NBN: variants seen among roughly 807,000 people sequenced by gnomAD.
NBN encodes nibrin, also known as Nijmegen breakage syndrome 1 (nibrin).
A neutral mutation model predicts 90.8 loss-of-function variants in NBN; 88 were observed. That is an observed-to-expected ratio of 0.97 (90% CI 0.82 to 1.16). NBN has a LOEUF of 1.16. Ranked by LOEUF, NBN falls within the 50% of genes most tolerant of loss-of-function variation. NBN has a pLI of 0.00. For missense variants in NBN, 894 were observed against 869.6 expected (o/e 1.03, Z -0.35); for synonymous variants, 328 against 295.1 (o/e 1.11, Z -1.14).
chr8:89,964,968 G>C (rs905189542), intron 7 of NBN, among the ~76,000 whole-genome samples: 6 of 152,096 alleles, frequency 3.9e-5, no homozygotes, highest in African/African-American at 1.2e-4. Context: ...ACAAAAATTA[G>C]CTGGGTGTAG....
In NBN at chr8:89,955,326, T is replaced by G. The variant is rs141137543; in HGVS notation, c.1354A>C (p.Thr452Pro). ...SKDRASQQQQ[T>P]NSIRNYFQPS... Reference sequence around the variant, plus strand: ...TGAAAGTAGTTTCTGATGGAGTTGGTCTGCTGCTGCTGAGAAGCCCTATCT... The same window carrying G: ...TGAAAGTAGTTTCTGATGGAGTTGGGCTGCTGCTGCTGAGAAGCCCTATCT... Residue 452 changes from threonine (T) to proline (P), a missense_variant, in exon 10 of 16, where the codon ACC becomes CCC. Thr to Pro is a conservative substitution (Grantham distance 38). Transcript: ENST00000265433. 212 of 1,613,856 alleles carry G rather than the reference T, an allele frequency of 1.3e-4. 1 individual carries two copies. In the African/African-American group the frequency reaches 2.4e-3, roughly 19 times the overall value.
intron 9 of NBN, among the ~76,000 whole-genome samples, chr8:89,958,237 T>A (rs1413858314): frequency 6.6e-6 from 1 of 152,210 alleles, no homozygotes; most frequent in East Asian, 1.9e-4. Flanking sequence ...GCTGATCACC[T>A]ACTGCTGTGT....
intron 5 of NBN, 83 bp downstream of exon 5, chr8:89,978,137 G>A: frequency 8.5e-7 from 1 of 1,176,074 alleles, no homozygotes; most frequent in Non-Finnish European, 1.3e-6. Flanking sequence ...CCTGAAACAA[G>A]CATTAAAGAG....
chr8:89,973,997 T>G (rs1224028220), intron 5 of NBN, among the ~76,000 whole-genome samples: 2 of 152,178 alleles, frequency 1.3e-5, no homozygotes, highest in African/African-American at 4.8e-5. Context: ...GAAATTTTGC[T>G]TTTTCCCATT....
In NBN at chr8:89,964,355, T is replaced by C. The variant is rs1805823; in HGVS notation, c.994+55A>G. 2.3e-5 allele frequency: 37 copies of C among 1,590,536 alleles called. No individual in the cohort carries two copies. In the African/African-American group the frequency reaches 3.6e-4, roughly 16 times the overall value. On this transcript the variant is annotated intron_variant, in intron 8 of 15. Coordinates refer to ENST00000265433, the MANE Select transcript of NBN (RefSeq NM_002485.5). ...GTATATGAGTAACGTATATTTAGCTTATCGATTTACATAATAAAGTTGCTA... is the reference window on the plus strand; with the variant it reads ...GTATATGAGTAACGTATATTTAGCTCATCGATTTACATAATAAAGTTGCTA...
intron 4 of NBN, 121 bp from the exon 5 acceptor site, chr8:89,978,444 C>T (rs746581506): frequency 1.2e-4 from 89 of 763,906 alleles, no homozygotes; most frequent in Non-Finnish European, 1.6e-4. Context: ...TTTTCCCTTT[C>T]ATCTCTCTAA....
At chr8:89,981,181 CCTCAGGGCCCA>C (rs1412439033) in intron 3 of NBN, among the ~76,000 whole-genome samples, 183 bp downstream of exon 3, 1 of 152,028 alleles carries the variant, frequency 6.6e-6, no homozygotes, top group Non-Finnish European at 1.5e-5. Flanking sequence ...CCATGAAGTC[CCTCAGGGCCCA>C]CTCAAACTCT....
At chr8:89,973,692 T>C (rs1401327108) in intron 5 of NBN, among the ~76,000 whole-genome samples, 1 of 152,182 alleles carries the variant, frequency 6.6e-6, no homozygotes, top group Non-Finnish European at 1.5e-5. Flanking sequence ...TCATTACGTC[T>C]GAAGCATTAC....
intron 2 of NBN, chr8:89,981,724 G>A: frequency 1.6e-6 from 1 of 609,630 alleles, no homozygotes; most frequent in Non-Finnish European, 2.8e-6. Context: ...TCTTAACCCA[G>A]GAATACCCCT....
chr8:89,984,392 C>G (rs976652499), intron 1 of NBN, 133 bp downstream of exon 1: 6 of 834,674 alleles, frequency 7.2e-6, no homozygotes, highest in Non-Finnish European at 1.2e-5. Flanking sequence ...ATACAGCGTA[C>G]TCGCCGCTTC....
In NBN at chr8:89,977,054, AT is replaced by A. The variant is rs201902015; in HGVS notation, c.584+1165del. Among the ~76,000 whole-genome samples the A allele has an allele frequency of 4.8e-3, 731 of 151,062 alleles. 6 individuals carry two copies. The highest frequency in any genetic ancestry group is 0.016 in the African/African-American group (647 of 41,222). ...ATTCCTAACTGGCATAACATTTAAAATTTTTTTTTTAATGTTACTTTAAGTT... is the reference window on the plus strand; with the variant it reads ...ATTCCTAACTGGCATAACATTTAAAATTTTTTTTTAATGTTACTTTAAGTT... On this transcript the variant is annotated intron_variant, in intron 5 of 15. Transcript: ENST00000265433.
rs771376603 is a variant in NBN, at chr8:89,984,554, T to C, written c.8A>G (p.Lys3Arg). Residue 3 changes from lysine (K) to arginine (R), a missense_variant, in exon 1 of 16, where the codon AAA (lysine) becomes AGA (arginine). Physicochemically the swap from Lys to Arg is conservative, Grantham distance 26. Transcript: ENST00000265433. The part of the protein sequence containing the change: MW[K>R]LLPAAGPAGG... ...TGCCGGGCCCGCGGCGGGCAGCAGT[T>C]TCCACATCGGTCCGGCTCCTCAGGG... The C allele has an allele frequency of 6.2e-7, 1 of 1,613,184 alleles. No homozygotes were observed. The highest frequency in any genetic ancestry group is 1.1e-5 in the South Asian group (1 of 91,062).
chr8:89,968,570 G>A (rs1178125111), intron 7 of NBN, among the ~76,000 whole-genome samples: 2 of 152,166 alleles, frequency 1.3e-5, no homozygotes, highest in South Asian at 2.1e-4. Context: ...TAAATTCTTA[G>A]ACCAGAACCT....
intron 1 of NBN, among the ~76,000 whole-genome samples, chr8:89,984,018 T>A (rs1812204132): frequency 6.6e-6 from 1 of 152,150 alleles, no homozygotes; most frequent in South Asian, 2.1e-4. Context: ...TGGGAAAAAA[T>A]CGACTTTTCC....
At position 89,958,706 on chromosome 8, in the gene NBN, G is replaced by A. The variant is rs13312903; in HGVS notation, c.1124+19C>T. The A allele has an allele frequency of 1.6e-3, 2,609 of 1,609,674 alleles. 41 individuals carry two copies. In the African/African-American group the frequency reaches 0.032, roughly 20 times the overall value. The stretch of plus-strand genomic sequence containing the variant: ...ATTGATAGAATAATAACAATAGTAC[G>A]GTAATGAAGAAGCTTTACCATGTAT... On this transcript the variant is annotated intron_variant, in intron 9 of 15. Coordinates refer to ENST00000265433, the MANE Select transcript of NBN (RefSeq NM_002485.5).
At chr8:89,968,310 C>T (rs1363276392) in intron 7 of NBN, among the ~76,000 whole-genome samples, 1 of 152,086 alleles carries the variant, frequency 6.6e-6, no homozygotes, top group Non-Finnish European at 1.5e-5. Flanking sequence ...AGTGTCACCT[C>T]ATGATCAAGG....
chr8:89,979,092 C>T (rs978494495), intron 4 of NBN, among the ~76,000 whole-genome samples: 1 of 152,226 alleles, frequency 6.6e-6, no homozygotes, highest in Admixed American at 6.5e-5. Context: ...ATCCTCCTGT[C>T]TCAGCCTCCT....
rs137857529 is a variant in NBN, at chr8:89,980,773, G to A, written c.441C>T (p.Cys147=). Residue 147 remains cysteine, a synonymous_variant, in exon 4 of 16, where the codon TGC becomes TGT. Coordinates refer to ENST00000265433, the MANE Select transcript of NBN (RefSeq NM_002485.5). The part of the protein sequence containing the change: ...GFTVNNWTEE[C]THLVMVSVKV... ...TCACTGATACCATGACAAGGTGAGTGCATTCTTCTGTCCAATTGTTTACAG... is the reference window on the plus strand; with the variant it reads ...TCACTGATACCATGACAAGGTGAGTACATTCTTCTGTCCAATTGTTTACAG... The A allele has an allele frequency of 1.0e-4, 164 of 1,613,400 alleles. No individual in the cohort carries two copies. In the African/African-American group the frequency reaches 1.8e-3, roughly 17 times the overall value.
At chr8:89,970,637 G>A in intron 6 of NBN, 80 bp from the exon 7 acceptor site, 1 of 1,370,884 alleles carries the variant, frequency 7.3e-7, no homozygotes, top group Middle Eastern at 1.8e-4. Flanking sequence ...GGGAAACATA[G>A]AAGTACAATT....
Sources: allele counts gnomAD v4.1 joint callset (sites outside exome capture counted in the v4.1 genomes callset), GRCh38; gene constraint gnomAD v4.1.1; transcripts MANE v1.5; gene names NCBI Gene and HGNC (gene_info 2026-07-23, HGNC 2026-07-21).